The following LNPEP variants were observed in gnomAD, a reference collection of about 807,000 sequenced individuals.
LNPEP encodes leucyl and cystinyl aminopeptidase, also known as leucyl-cystinyl aminopeptidase.
A neutral mutation model predicts 120.6 loss-of-function variants in LNPEP; 64 were observed. The ratio of observed to expected loss-of-function variants is 0.53; its 90% CI spans 0.43 to 0.65. The LOEUF (loss-of-function observed/expected upper bound fraction) is 0.65, where lower values mean the gene tolerates loss of function less well. Ranked by LOEUF, LNPEP falls within the 30% of genes least tolerant of loss-of-function variation. LNPEP has a pLI of 0.00. For missense variants in LNPEP, 1,057 were observed against 1,200.0 expected, an observed-to-expected ratio of 0.88 and a Z score of 1.76; for synonymous variants, 435 against 425.4, an observed-to-expected ratio of 1.02 and a Z score of -0.28.
In LNPEP at chr5:96,985,146, A is replaced by G. The variant is rs1582004534; in HGVS notation, c.927A>G (p.Pro309=). The change falls in exon 3 of 18, where the codon CCA becomes CCG. Residue 309 remains proline, a synonymous_variant. Coordinates refer to ENST00000231368, the MANE Select transcript of LNPEP (RefSeq NM_005575.3). The part of the protein sequence containing the change: ...ARSAFPCFDE[P]AFKATFIIKI... ...CTGCTTTTCCTTGTTTTGATGAACC[A>G]GCATTTAAAGCCACTTTTATCATCA... 1.2e-6 allele frequency: 2 copies of G among 1,614,006 alleles called. No homozygotes were observed. The highest frequency in any genetic ancestry group is 1.3e-5 in the African/African-American group (1 of 75,044).
At chr5:96,990,852 C>G (rs909461150) in intron 4 of LNPEP, among the ~76,000 whole-genome samples, 4 of 152,148 alleles carry the variant, frequency 2.6e-5, no homozygotes, top group Non-Finnish European at 4.4e-5. Flanking sequence ...AGACTGAAGC[C>G]TCACATAAAG....
intron 8 of LNPEP, among the ~76,000 whole-genome samples, chr5:97,000,555 C>T (rs1790625967): frequency 6.6e-6 from 1 of 152,250 alleles, no homozygotes; most frequent in African/African-American, 2.4e-5. Context: ...AAGGTACCTT[C>T]GTGACTAGCC....
intron 1 of LNPEP, among the ~76,000 whole-genome samples, chr5:96,965,764 T>G (rs369848917): frequency 4.6e-5 from 7 of 152,230 alleles, no homozygotes; most frequent in African/African-American, 1.7e-4. Flanking sequence ...ATTTGGAGGT[T>G]TGTTAAGTCA....
At chr5:96,942,967 A>G (rs1789096121) in intron 1 of LNPEP, 1 of 160,794 alleles carries the variant, frequency 6.2e-6, no homozygotes, top group African/African-American at 2.4e-5. Flanking sequence ...GGATCAAAGG[A>G]AAAGAATCTA....
intron 1 of LNPEP, among the ~76,000 whole-genome samples, chr5:96,977,533 G>A (rs1378975158): frequency 1.3e-5 from 2 of 152,092 alleles, no homozygotes; most frequent in Admixed American, 6.6e-5. Context: ...GTGAGCACCC[G>A]AGGATTTGTT....
intron 11 of LNPEP, among the ~76,000 whole-genome samples, chr5:97,007,592 T>C (rs1280282560): frequency 1.3e-5 from 2 of 152,214 alleles, no homozygotes; most frequent in Non-Finnish European, 2.9e-5. Context: ...CAAATCTTAT[T>C]ACCCTATCAA....
At chr5:96,961,915 A>G (rs1789617719) in intron 1 of LNPEP, among the ~76,000 whole-genome samples, 1 of 152,090 alleles carries the variant, frequency 6.6e-6, no homozygotes, top group Non-Finnish European at 1.5e-5. Context: ...GAAAGGGGAG[A>G]GGGGAAAGCC....
In LNPEP at chr5:96,996,286, T is replaced by C. The variant is rs1790513618; in HGVS notation, c.1408-104T>C. The C allele has an allele frequency of 4.4e-6, 3 of 676,774 alleles. No individual in the cohort carries two copies. In the South Asian group the frequency reaches 5.4e-5, roughly 12 times the overall value. The allele number at this position is 676,774 out of a possible 1,614,324, so 41.9% of individuals were successfully genotyped here. A position where few individuals can be genotyped will look rare whatever the true frequency, so the allele number is the denominator to read the frequency against. The stretch of plus-strand genomic sequence containing the variant: ...ATAGTATCAGTATATCTTTAAGATA[T>C]TGTAATCAGGTTATAGATAATTAAT... On this transcript the variant is annotated intron_variant, in intron 6 of 17. Coordinates refer to ENST00000231368, the MANE Select transcript of LNPEP (RefSeq NM_005575.3).
intron 8 of LNPEP, among the ~76,000 whole-genome samples, chr5:97,002,386 T>G (rs1253839131): frequency 1.3e-5 from 2 of 152,124 alleles, no homozygotes; most frequent in African/African-American, 4.8e-5. Flanking sequence ...TTTGTTTTGT[T>G]AATGGGCATG....
chr5:97,001,956 A>C (rs1434272044), intron 8 of LNPEP, among the ~76,000 whole-genome samples: 1 of 152,154 alleles, frequency 6.6e-6, no homozygotes, highest in Non-Finnish European at 1.5e-5. Context: ...TCTGTCCAAC[A>C]TGGTGAAACC....
chr5:97,002,946 A>G lies in LNPEP; in HGVS notation c.1654-469A>G, dbSNP rs556433212. On this transcript the variant is annotated intron_variant, in intron 8 of 17. Coordinates refer to ENST00000231368, the MANE Select transcript of LNPEP (RefSeq NM_005575.3). ...ACTTCACAACACAATATACTAAAAT[A>G]AGAAATTAATGACCTACCTAGCAGG... is the stretch of plus-strand genomic sequence containing the variant. 2.0e-5 allele frequency among the ~76,000 whole-genome samples: 3 copies of G among 152,336 alleles called. No individual in the cohort carries two copies. In the South Asian group the frequency reaches 6.2e-4, roughly 32 times the overall value.
At position 96,995,526 on chromosome 5, in the gene LNPEP, C is replaced by CT. The variant is rs887117227; in HGVS notation, c.1408-853dup. On this transcript the variant is annotated intron_variant, in intron 6 of 17. Transcript: ENST00000231368. Reference sequence around the variant, plus strand: ...GACTTCATTTGTTTATATATGCCATCTTTTTTTTTTTGTTTTTAAAGAAAC... The same window carrying CT: ...GACTTCATTTGTTTATATATGCCATCTTTTTTTTTTTTGTTTTTAAAGAAAC... 1.2e-3 allele frequency among the ~76,000 whole-genome samples: 173 copies of CT among 145,212 alleles called. 4 individuals carry two copies. The highest frequency in any genetic ancestry group is 2.5e-3 in the African/African-American group (99 of 39,920).
At chr5:97,026,851 G>T (rs749497531) in intron 16 of LNPEP, 94 bp downstream of exon 16, 41 of 1,010,360 alleles carry the variant, frequency 4.1e-5, no homozygotes, top group Non-Finnish European at 5.6e-5. Flanking sequence ...GTTAGGATTT[G>T]CTGTGAGAGG....
At chr5:96,994,331 C>CT (rs1790457352) in intron 6 of LNPEP, among the ~76,000 whole-genome samples, 1 of 152,184 alleles carries the variant, frequency 6.6e-6, no homozygotes. Flanking sequence ...TTCAAGATCT[C>CT]TTTTTCCCCC....
chr5:97,013,410 G>T (rs185898980), intron 11 of LNPEP, among the ~76,000 whole-genome samples: 1 of 152,202 alleles, frequency 6.6e-6, no homozygotes, highest in Admixed American at 6.6e-5. Flanking sequence ...TATCTACCTT[G>T]TTCACCATTT....
At chr5:97,005,942 A>G (rs1790769933) in intron 9 of LNPEP, 131 bp from the exon 10 acceptor site, 1 of 233,108 alleles carries the variant, frequency 4.3e-6, no homozygotes, top group African/African-American at 2.3e-5. Context: ...TTTTTATATT[A>G]ACATTAAATG....
chr5:97,036,190 G>C lies in LNPEP; in HGVS notation c.*7657G>C, dbSNP rs569450454. On this transcript the variant is annotated 3_prime_UTR_variant, in exon 18 of 18. Coordinates refer to ENST00000231368, the MANE Select transcript of LNPEP (RefSeq NM_005575.3). ...AATTGTGTCTTGGAATGACCCTTTCGAGTTATTGACATGGCTCTGATGAAT... is the reference window on the plus strand; with the variant it reads ...AATTGTGTCTTGGAATGACCCTTTCCAGTTATTGACATGGCTCTGATGAAT... 2 of 151,992 alleles carry C rather than the reference G, an allele frequency of 1.3e-5. No homozygotes were observed. Among genetic ancestry groups the C allele is most frequent in the Non-Finnish European group, 2.9e-5 (2 of 68,008 alleles). 9.4% of individuals were successfully genotyped at this position (151,992 alleles called of 1,614,324 possible). A position where few individuals can be genotyped will look rare whatever the true frequency, so the allele number is the denominator to read the frequency against.
At chr5:97,026,851 G>A in intron 16 of LNPEP, 94 bp downstream of exon 16, 1 of 1,010,478 alleles carries the variant, frequency 9.9e-7, no homozygotes, top group Non-Finnish European at 1.5e-6. Context: ...GTTAGGATTT[G>A]CTGTGAGAGG....
chr5:96,936,244 C>T, intron 1 of LNPEP, 70 bp downstream of exon 1: 1 of 1,275,108 alleles, frequency 7.8e-7, no homozygotes, highest in South Asian at 1.8e-5. Context: ...AGTCGTGACA[C>T]GCGGGGTCGG....
Sources: gnomAD v4.1 joint callset for allele counts (sites outside exome capture counted in the v4.1 genomes callset) on GRCh38, gnomAD v4.1.1 for gene constraint, MANE v1.5 for transcripts, NCBI Gene and HGNC (gene_info 2026-07-23, HGNC 2026-07-21) for gene names.